MYT1: variants seen among roughly 807,000 people sequenced by gnomAD.
MYT1 encodes the protein myelin transcription factor I.
In MYT1, 23 loss-of-function variants were observed where a neutral mutation model predicts 123.0. The observed-to-expected ratio is 0.19, with a 90% confidence interval of 0.13 to 0.26. The LOEUF (loss-of-function observed/expected upper bound fraction) is 0.26. Among genes scored for constraint, MYT1 ranks in the 10% least tolerant of loss-of-function variants. The probability of loss-of-function intolerance (pLI) is 1.00; values close to 1 mark genes in which losing one functional copy is unlikely to be tolerated. For synonymous variants in MYT1, 518 were observed against 575.3 expected, an observed-to-expected ratio of 0.90 and a Z score of 1.43; for missense variants, 1,125 against 1,472.5, an observed-to-expected ratio of 0.76 and a Z score of 3.86.
In MYT1 at chr20:64,168,789, C is replaced by T. The variant is rs1425901935; in HGVS notation, c.-99+4050C>T. Among the ~76,000 whole-genome samples, 1 of 152,204 alleles carries T rather than the reference C, an allele frequency of 6.6e-6. No individual in the cohort carries two copies. Among genetic ancestry groups the T allele is most frequent in the Non-Finnish European group, 1.5e-5 (1 of 68,044 alleles). ...CCAGGAGGGTGCAGGTTGGATGGTC[C>T]TCAGGAAGTAGGCTGCAGCGCTCTG... On this transcript the variant is annotated intron_variant, in intron 1 of 22. Coordinates refer to ENST00000328439, the MANE Select transcript of MYT1 (RefSeq NM_004535.3). This position sits in a 1 kb window ranked among gnomAD's most constrained non-coding sequence, Gnocchi z 6.1.
At chr20:64,210,696 G>A (rs1983641364) in intron 7 of MYT1, among the ~76,000 whole-genome samples, 1 of 152,248 alleles carries the variant, frequency 6.6e-6, no homozygotes, top group African/African-American at 2.4e-5. Flanking sequence ...ATAGTGACCG[G>A]CCTGGACCTG....
intron 10 of MYT1, among the ~76,000 whole-genome samples, chr20:64,214,971 A>C (rs911317669): frequency 6.6e-6 from 1 of 152,174 alleles, no homozygotes; most frequent in African/African-American, 2.4e-5. Context: ...CTCTGGGCAG[A>C]GCACAGAGAC....
chr20:64,236,338 G>A (rs1395051210), intron 19 of MYT1, among the ~76,000 whole-genome samples: 10 of 145,716 alleles, frequency 6.9e-5, no homozygotes, highest in African/African-American at 1.5e-4. Context: ...TGGGCTGGCC[G>A]CGGTGGGTGA....
rs1982155558 is a variant in MYT1, at chr20:64,168,741, G to A, written c.-99+4002G>A. ...TGTGCCTTGGGGTTTATTTGGGACT[G>A]TGGCCTGGGAGCACGGCCTGTGCCA... On this transcript the variant is annotated intron_variant, in intron 1 of 22. Coordinates refer to ENST00000328439, the MANE Select transcript of MYT1 (RefSeq NM_004535.3). The surrounding 1 kb of genome is among the most constrained non-coding windows in gnomAD (Gnocchi z 6.1). Among the ~76,000 whole-genome samples, 2 of 152,250 alleles carry A rather than the reference G, an allele frequency of 1.3e-5. No individual in the cohort carries two copies. Among genetic ancestry groups the A allele is most frequent in the South Asian group, 4.1e-4 (2 of 4,838 alleles).
chr20:64,206,388 A>G (rs1305508415), intron 6 of MYT1, among the ~76,000 whole-genome samples: 1 of 152,222 alleles, frequency 6.6e-6, no homozygotes, highest in Non-Finnish European at 1.5e-5. Flanking sequence ...TGTGGGGTCT[A>G]CCAGGACTGC....
intron 1 of MYT1, among the ~76,000 whole-genome samples, chr20:64,187,878 G>A (rs189188008): frequency 6.6e-6 from 1 of 152,352 alleles, no homozygotes; most frequent in Non-Finnish European, 1.5e-5. Context: ...GGGGTATGGT[G>A]CACAGGTTTC....
At chr20:64,172,127 T>TACTG (rs1355831398) in intron 1 of MYT1, among the ~76,000 whole-genome samples, 13 of 152,204 alleles carry the variant, frequency 8.5e-5, no homozygotes, top group Non-Finnish European at 1.6e-4. Context: ...GGCTCTCGTG[T>TACTG]ACTGACCACT....
rs1982963598 is a variant in MYT1 at position 64,191,318 on chromosome 20, AC to A, written c.-1+1160del. On this transcript the variant is annotated intron_variant, in intron 2 of 22. Coordinates refer to ENST00000328439, the MANE Select transcript of MYT1 (RefSeq NM_004535.3). The surrounding 1 kb of genome is among the most constrained non-coding windows in gnomAD (Gnocchi z 4.1). Reference sequence around the variant, plus strand: ...CATGTGCTTACAGCCACTGTTCTCCACCACCAACCCTCTAATTCTAGAACTT... The same window carrying A: ...CATGTGCTTACAGCCACTGTTCTCCACACCAACCCTCTAATTCTAGAACTT... Among the ~76,000 whole-genome samples, 1 of 152,180 alleles carries A rather than the reference AC, an allele frequency of 6.6e-6. No individual in the cohort carries two copies. Among genetic ancestry groups the A allele is most frequent in the African/African-American group, 2.4e-5 (1 of 41,448 alleles).
In MYT1 at chr20:64,232,806, C is replaced by T. The variant is rs1984362827; in HGVS notation, c.2897+421C>T. 1.3e-5 allele frequency among the ~76,000 whole-genome samples: 2 copies of T among 151,992 alleles called. No individual in the cohort carries two copies. The highest frequency in any genetic ancestry group is 2.9e-5 in the Non-Finnish European group (2 of 67,962). On this transcript the variant is annotated intron_variant, in intron 19 of 22. Transcript: ENST00000328439. The surrounding 1 kb of genome is among the most constrained non-coding windows in gnomAD (Gnocchi z 6.9). ...CTTCTCAGGAAAAGTTTGTCTCCTA[C>T]ACCTTATGCCCTGTCCGTCCCATTC...
In MYT1 at chr20:64,202,017, TCGCGTGTCGGGAACCCCC is replaced by T. The variant is rs1443713025; in HGVS notation, c.86+2096_86+2113del. Among the ~76,000 whole-genome samples, 2 of 17,470 alleles carry T rather than the reference TCGCGTGTCGGGAACCCCC, an allele frequency of 1.1e-4. No homozygotes were observed. Among genetic ancestry groups the T allele is most frequent in the East Asian group, 1.8e-3 (2 of 1,108 alleles). The allele number at this position is 17,470 out of a possible 152,430, so 11.5% of individuals were successfully genotyped here. A position where few individuals can be genotyped will look rare whatever the true frequency, so the allele number is the denominator to read the frequency against. On this transcript the variant is annotated intron_variant, in intron 4 of 22. Coordinates refer to ENST00000328439, the MANE Select transcript of MYT1 (RefSeq NM_004535.3). The surrounding 1 kb of genome is among the most constrained non-coding windows in gnomAD (Gnocchi z 5.0). Reference sequence around the variant, plus strand: ...GGAACCCCCGCGTGTCGGGAACCCCTCGCGTGTCGGGAACCCCCGCGTGTCGGGAACCTCTGCGTGTCG... The same window carrying T: ...GGAACCCCCGCGTGTCGGGAACCCCTGCGTGTCGGGAACCTCTGCGTGTCG...
rs753539968 is a variant in MYT1, at chr20:64,232,281, C to G, written c.2793C>G (p.Gly931=). 6.2e-7 allele frequency: 1 copy of G among 1,613,112 alleles called. No homozygotes were observed. The highest frequency in any genetic ancestry group is 1.1e-5 in the South Asian group (1 of 91,088). ...GGCAGAAGGAAGGGTCCCTCAATGG[C>G]TCGTCATTCTCCTGGAAGTCCCTGA... ...ARRQKEGSLN[G]SSFSWKSLKN... Residue 931 remains glycine (G), a synonymous_variant, in exon 19 of 23, where the codon GGC becomes GGG. Transcript: ENST00000328439. This position sits in a 1 kb window ranked among gnomAD's most constrained non-coding sequence, Gnocchi z 6.9.
chr20:64,199,640 A>G (rs970786991), intron 3 of MYT1, among the ~76,000 whole-genome samples: 1 of 152,164 alleles, frequency 6.6e-6, no homozygotes, highest in Non-Finnish European at 1.5e-5. Flanking sequence ...TAAAACTGCC[A>G]GGCTGCTCAG....
Position 64,208,081 on chromosome 20 carries a change from G to C in MYT1, c.885G>C (p.Glu295Asp). 1.2e-6 allele frequency: 2 copies of C among 1,605,764 alleles called. No homozygotes were observed. Among genetic ancestry groups the C allele is most frequent in the South Asian group, 2.2e-5 (2 of 89,220 alleles). Residue 295 changes from glutamate to aspartate, a missense_variant, in exon 7 of 23, where the codon GAG becomes GAC. Around this residue, in one of 4 missense-constraint regions of MYT1, gnomAD observed 406 missense variants for 432.2 expected, o/e 0.94. Coordinates refer to ENST00000328439, the MANE Select transcript of MYT1 (RefSeq NM_004535.3). The surrounding 1 kb of genome is among the most constrained non-coding windows in gnomAD (Gnocchi z 5.4). The part of the protein sequence containing the change: ...EEEEEEEEEE[E>D]EEEEEEEEEE... ...AGGAGGAGGAGGAAGAGGAAGAGGA[G>C]GAGGAAGAGGAAGAGGAAGAGGAGG...
chr20:64,233,165 CCCTTT>C, intron 19 of MYT1, among the ~76,000 whole-genome samples: 2 of 128,400 alleles, frequency 1.6e-5, no homozygotes, highest in South Asian at 2.9e-4. Flanking sequence ...CTTCCTCCTT[CCCTTT>C]CCCTCCCCTC....
intron 5 of MYT1, 64 bp from the exon 6 acceptor site, chr20:64,205,489 G>A: frequency 6.3e-7 from 1 of 1,586,236 alleles, no homozygotes; most frequent in Non-Finnish European, 8.6e-7. Context: ...AGGGGCTCAT[G>A]GGGTGTCTGA....
At chr20:64,238,016 G>A (rs1316442788) in intron 21 of MYT1, among the ~76,000 whole-genome samples, 2 of 152,106 alleles carry the variant, frequency 1.3e-5, no homozygotes, top group Non-Finnish European at 2.9e-5. Context: ...AAGTGCCGTC[G>A]ATGAGAGCTG....
At chr20:64,223,057 T>TG in intron 14 of MYT1, 54 bp from the exon 15 acceptor site, 1 of 1,602,992 alleles carries the variant, frequency 6.2e-7, no homozygotes. Context: ...AGGCTCAGCC[T>TG]GGGGGGCAGG....
At chr20:64,197,359 T>A (rs1983154112) in intron 2 of MYT1, among the ~76,000 whole-genome samples, 1 of 152,366 alleles carries the variant, frequency 6.6e-6, no homozygotes, top group South Asian at 2.1e-4. Context: ...ATTTGTCTCT[T>A]TTTCTGGCTT....
At chr20:64,181,895 C>T (rs1312755177) in intron 1 of MYT1, among the ~76,000 whole-genome samples, 1 of 152,206 alleles carries the variant, frequency 6.6e-6, no homozygotes, top group East Asian at 1.9e-4. Flanking sequence ...AGGGCCTTAC[C>T]TTCCTATGTC....
Sources: gnomAD v4.1 joint callset for allele counts (sites outside exome capture counted in the v4.1 genomes callset) on GRCh38, gnomAD v4.1.1 for gene constraint, gnomAD v4.1.1 regional missense constraint, Gnocchi (gnomAD v3.1) non-coding constraint, MANE v1.5 for transcripts, NCBI Gene and HGNC (gene_info 2026-07-23, HGNC 2026-07-21) for gene names.